The following ZNF600 variants were observed in gnomAD, a reference collection of about 807,000 sequenced individuals.
ZNF600 encodes the protein zinc finger protein 600, also known as zinc finger protein KR-ZNF1.
A neutral mutation model predicts 7.3 loss-of-function variants in ZNF600; 4 were observed. The ratio of observed to expected loss-of-function variants is 0.55; its 90% CI spans 0.27 to 1.25. The LOEUF is 1.25. Ranked by LOEUF, ZNF600 falls within the 50% of genes most tolerant of loss-of-function variation. The probability of loss-of-function intolerance (pLI) is 0.12; values close to 1 mark genes in which losing one functional copy is unlikely to be tolerated. For synonymous variants in ZNF600, 290 were observed against 308.9 expected, an observed-to-expected ratio of 0.94 and a Z score of 0.64; for missense variants, 911 against 922.1, an observed-to-expected ratio of 0.99 and a Z score of 0.16.
At chr19:52,830,552 G>A in the ZNF600 span, among the ~76,000 whole-genome samples, 1 of 152,038 alleles carries the variant, frequency 6.6e-6, no homozygotes, top group Non-Finnish European at 1.5e-5. Context: ...TGGGACACAA[G>A]CGCTGAGCTG....
At chr19:52,810,894 TCCCCCTCCCTCTC>T in the ZNF600 span, among the ~76,000 whole-genome samples, 1 of 3,888 alleles carries the variant, frequency 2.6e-4, no homozygotes, top group African/African-American at 1.1e-3. Context: ...CCCCTCCCCC[TCCCCCTCCCTCTC>T]CCTCTCCCTC....
At chr19:52,786,154 T>C (rs1284054343) in intron 1 of ZNF600, among the ~76,000 whole-genome samples, 1 of 150,558 alleles carries the variant, frequency 6.6e-6, no homozygotes, top group Non-Finnish European at 1.5e-5. Context: ...TTCCAGGGGG[T>C]GGAGCTGGAC....
At chr19:52,828,249 A>C in the ZNF600 span, among the ~76,000 whole-genome samples, 2 of 151,852 alleles carry the variant, frequency 1.3e-5, no homozygotes, top group African/African-American at 4.8e-5. Flanking sequence ...ATAAGGTTTC[A>C]CCATGTAGGC....
At chr19:52,782,573 A>T (rs1304923621) in intron 1 of ZNF600, among the ~76,000 whole-genome samples, 2 of 151,968 alleles carry the variant, frequency 1.3e-5, no homozygotes, top group Non-Finnish European at 2.9e-5. Context: ...AAGTAAAATT[A>T]AAAAATAACA....
At chr19:52,801,713 T>C in the ZNF600 span, 2 of 1,606,606 alleles carry the variant, frequency 1.2e-6, no homozygotes, top group East Asian at 2.2e-5. Context: ...CTACAAAATA[T>C]AAACACCAAT....
chr19:52,800,920 T>G, the ZNF600 span: 1 of 1,614,158 alleles, frequency 6.2e-7, no homozygotes, highest in South Asian at 1.1e-5. Flanking sequence ...GATTTGCGAC[T>G]GAAAACTTTG....
the ZNF600 span, among the ~76,000 whole-genome samples, chr19:52,807,459 C>A: frequency 6.6e-6 from 1 of 152,018 alleles, no homozygotes; most frequent in African/African-American, 2.4e-5. Flanking sequence ...TCTTTAAAGT[C>A]TGCCATAAGG....
Position 52,781,635 on chromosome 19 carries a change from A to G in ZNF600, c.-19-2728T>C, listed in dbSNP as rs139266460. On this transcript the variant is annotated intron_variant, in intron 1 of 3. Coordinates refer to ENST00000648973, the Ensembl canonical transcript of ZNF600. The stretch of plus-strand genomic sequence containing the variant: ...CAAAAAATTAGCCAGGCATCATGGC[A>G]TGCATCTGCGGTCCCAGCTACCTGG... 2.4e-3 allele frequency among the ~76,000 whole-genome samples: 369 copies of G among 152,244 alleles called. 1 individual carries two copies. The highest frequency in any genetic ancestry group is 8.2e-3 in the African/African-American group (340 of 41,540).
intron 3 of ZNF600, among the ~76,000 whole-genome samples, chr19:52,771,852 A>G (rs1204217577): frequency 6.6e-6 from 1 of 152,122 alleles, no homozygotes; most frequent in Non-Finnish European, 1.5e-5. Flanking sequence ...ACCTCAAGCC[A>G]TCTACCCACC....
At chr19:52,811,190 A>G in the ZNF600 span, among the ~76,000 whole-genome samples, 1 of 150,606 alleles carries the variant, frequency 6.6e-6, no homozygotes, top group Non-Finnish European at 1.5e-5. Context: ...TCGTTCACTC[A>G]GTGCTCAATG....
intron 1 of ZNF600, among the ~76,000 whole-genome samples, chr19:52,785,282 T>C (rs2147586026): frequency 6.6e-6 from 1 of 151,848 alleles, no homozygotes; most frequent in East Asian, 1.9e-4. Context: ...AGTTTCACTC[T>C]TGTTGTGCAG....
the ZNF600 span, among the ~76,000 whole-genome samples, chr19:52,824,107 T>C: frequency 6.6e-6 from 1 of 150,920 alleles, no homozygotes; most frequent in African/African-American, 2.4e-5. Context: ...TAATAATAAA[T>C]ATGGCCGGCG....
intron 3 of ZNF600, among the ~76,000 whole-genome samples, chr19:52,773,157 G>C (rs542474825): frequency 0.025 from 3,774 of 151,702 alleles, 39 homozygotes; most frequent in African/African-American, 0.082. Flanking sequence ...CAAGGGTGGA[G>C]AGCAGGAAGT....
At chr19:52,795,340 T>C in the ZNF600 span, among the ~76,000 whole-genome samples, 5 of 152,264 alleles carry the variant, frequency 3.3e-5, no homozygotes, top group East Asian at 5.8e-4. Context: ...ATTTATCAGG[T>C]ACCAGAAAAT....
chr19:52,800,897 T>A, the ZNF600 span: 2 of 1,614,062 alleles, frequency 1.2e-6, no homozygotes, highest in Non-Finnish European at 1.7e-6. Context: ...TTATCTTATG[T>A]GTTTCAAGGT....
the ZNF600 span, among the ~76,000 whole-genome samples, chr19:52,818,940 G>A: frequency 1.4e-5 from 2 of 139,016 alleles, 1 homozygote; most frequent in African/African-American, 5.6e-5. Flanking sequence ...GAGATAAGAA[G>A]ACTTGAGTAA....
chr19:52,801,190 C>G, the ZNF600 span: 45 of 1,614,102 alleles, frequency 2.8e-5, no homozygotes, highest in African/African-American at 4.9e-4. Context: ...TTGCCACTCT[C>G]AATACATTGG....
intron 3 of ZNF600, among the ~76,000 whole-genome samples, chr19:52,773,196 A>T (rs1224489124): frequency 6.6e-6 from 1 of 152,230 alleles, no homozygotes; most frequent in Non-Finnish European, 1.5e-5. Context: ...AACTTTGTGC[A>T]TGCATGTCTG....
chr19:52,775,772 G>T (rs1411608953), intron 2 of ZNF600, among the ~76,000 whole-genome samples: 2 of 152,162 alleles, frequency 1.3e-5, no homozygotes, highest in Non-Finnish European at 2.9e-5. Flanking sequence ...ACTTTGAGAG[G>T]TCGAGGCAGG....
Sources: allele counts gnomAD v4.1 joint callset (sites outside exome capture counted in the v4.1 genomes callset), GRCh38; gene constraint gnomAD v4.1.1; transcripts MANE v1.5; gene names NCBI Gene and HGNC (gene_info 2026-07-23, HGNC 2026-07-21).